Variants in SH3RF2 observed in about 807,000 individuals in gnomAD.
The protein encoded by SH3RF2 is SH3 domain containing ring finger 2.
SH3RF2 carries 43 observed loss-of-function variants against 59.0 expected under a neutral mutation model. The ratio of observed to expected loss-of-function variants is 0.73; its 90% CI spans 0.57 to 0.94. The LOEUF (loss-of-function observed/expected upper bound fraction) is 0.94, where lower values mean the gene tolerates loss of function less well. Ranked by LOEUF, SH3RF2 falls within the 40% of genes least tolerant of loss-of-function variation. SH3RF2 has a pLI of 0.00. For missense variants in SH3RF2, 930 were observed against 940.1 expected (o/e 0.99, Z 0.14); for synonymous variants, 391 against 391.5 (o/e 1.00, Z 0.01).
intron 2 of SH3RF2, among the ~76,000 whole-genome samples, chr5:145,941,872 A>G (rs1045486569): frequency 7.9e-5 from 12 of 152,220 alleles, no homozygotes; most frequent in African/African-American, 2.9e-4. Flanking sequence ...AGACTGGCTC[A>G]TATTAAGTGC....
intron 2 of SH3RF2, among the ~76,000 whole-genome samples, chr5:145,962,783 T>C (rs1758678851): frequency 6.6e-6 from 1 of 152,032 alleles, no homozygotes; most frequent in Non-Finnish European, 1.5e-5. Context: ...TAGGACTTCA[T>C]ACCTCCTCCA....
At chr5:145,984,235 C>T (rs1759615321) in intron 2 of SH3RF2, among the ~76,000 whole-genome samples, 1 of 152,106 alleles carries the variant, frequency 6.6e-6, no homozygotes, top group African/African-American at 2.4e-5. Context: ...AGTCATACAG[C>T]CTGCTGCTAC....
chr5:146,021,047 T>C (rs1270378681), intron 5 of SH3RF2, among the ~76,000 whole-genome samples: 1 of 152,124 alleles, frequency 6.6e-6, no homozygotes, highest in Non-Finnish European at 1.5e-5. Context: ...TAAGTCCAGA[T>C]CTTCTCCCAG....
chr5:145,950,475 C>T (rs1261335363), intron 2 of SH3RF2, among the ~76,000 whole-genome samples: 1 of 152,144 alleles, frequency 6.6e-6, no homozygotes, highest in African/African-American at 2.4e-5. Context: ...TCACTGGGTA[C>T]TTCTTGGTCA....
intron 2 of SH3RF2, among the ~76,000 whole-genome samples, chr5:145,952,913 G>C (rs1758248046): frequency 6.6e-6 from 1 of 152,164 alleles, no homozygotes; most frequent in African/African-American, 2.4e-5. Flanking sequence ...TGCTGGCCAA[G>C]AGATGAGAGA....
chr5:146,038,503 G>A (rs937521905), intron 5 of SH3RF2, among the ~76,000 whole-genome samples: 2 of 152,120 alleles, frequency 1.3e-5, no homozygotes, highest in East Asian at 1.9e-4. Context: ...ATCAATATAA[G>A]AAAGTCAAGT....
At chr5:146,007,604 G>C (rs559473396) in intron 4 of SH3RF2, among the ~76,000 whole-genome samples, 4 of 152,180 alleles carry the variant, frequency 2.6e-5, no homozygotes, top group East Asian at 1.9e-4. Context: ...GTCTGGGCTG[G>C]GGGGGAAGGC....
At chr5:145,962,665 T>C (rs1758674682) in intron 2 of SH3RF2, among the ~76,000 whole-genome samples, 1 of 152,042 alleles carries the variant, frequency 6.6e-6, no homozygotes, top group African/African-American at 2.4e-5. Flanking sequence ...CCTTAGGCCG[T>C]CCTTCTTTCC....
Position 146,013,839 on chromosome 5 carries a change from A to G in SH3RF2, c.837A>G (p.Arg279=). ...TGTCCCTGGTGTCCTCGTCCTCCAG[A>G]GGCAACACGTCTACCCTCCGTAGGG... ...KNLSLVSSSS[R]GNTSTLRRGP... is the part of the protein sequence containing the mutation. Residue 279 remains arginine, a synonymous_variant, in exon 5 of 10, where the codon AGA becomes AGG. Coordinates refer to ENST00000359120, the MANE Select transcript of SH3RF2 (RefSeq NM_152550.4). 18 of 1,614,168 alleles carry G rather than the reference A, an allele frequency of 1.1e-5. No homozygotes were observed. Among genetic ancestry groups the G allele is most frequent in the East Asian group, 2.2e-5 (1 of 44,874 alleles).
At chr5:146,048,464 A>G (rs173587) in intron 6 of SH3RF2, among the ~76,000 whole-genome samples, 53,174 of 152,106 alleles carry the variant, frequency 0.35, 9,627 homozygotes, top group Non-Finnish European at 0.39. Flanking sequence ...TTTAGATTCA[A>G]AATGTTGGGT....
At chr5:146,032,626 C>T (rs544863357) in intron 5 of SH3RF2, among the ~76,000 whole-genome samples, 2 of 152,200 alleles carry the variant, frequency 1.3e-5, no homozygotes, top group Non-Finnish European at 2.9e-5. Context: ...AATCCAGATG[C>T]TATCTTGGCT....
chr5:146,037,333 A>C (rs1333747576), intron 5 of SH3RF2, among the ~76,000 whole-genome samples: 1 of 152,182 alleles, frequency 6.6e-6, no homozygotes, highest in African/African-American at 2.4e-5. Flanking sequence ...AGACAGCCCC[A>C]AAAGTCCATT....
At chr5:146,036,214 C>T (rs982922187) in intron 5 of SH3RF2, among the ~76,000 whole-genome samples, 6 of 152,188 alleles carry the variant, frequency 3.9e-5, no homozygotes, top group Non-Finnish European at 5.9e-5. Flanking sequence ...CCAAACTCTG[C>T]TTTGAAAGCA....
intron 2 of SH3RF2, among the ~76,000 whole-genome samples, chr5:145,987,438 G>A (rs1446084034): frequency 1.3e-5 from 2 of 152,028 alleles, no homozygotes; most frequent in Non-Finnish European, 2.9e-5. Flanking sequence ...ATACAACGGA[G>A]AAAACATTAA....
At chr5:146,004,302 C>A in intron 4 of SH3RF2, 149 bp downstream of exon 4, 1 of 492,892 alleles carries the variant, frequency 2.0e-6, no homozygotes, top group Non-Finnish European at 3.4e-6. Flanking sequence ...ACAATAATAC[C>A]CAATTCTGGC....
intron 2 of SH3RF2, among the ~76,000 whole-genome samples, chr5:145,999,788 G>A (rs1038625036): frequency 6.6e-6 from 1 of 151,644 alleles, no homozygotes; most frequent in Non-Finnish European, 1.5e-5. Context: ...GATCACCATA[G>A]CAGATATAAT....
intron 2 of SH3RF2, among the ~76,000 whole-genome samples, chr5:145,949,607 G>C (rs1442608966): frequency 6.6e-6 from 1 of 152,160 alleles, no homozygotes; most frequent in South Asian, 2.1e-4. Flanking sequence ...TCCTCAGAGT[G>C]GTGAATTCCC....
At chr5:146,064,729 AG>A (rs1561773470), downstream of SH3RF2, among the ~76,000 whole-genome samples, 1 of 10,338 alleles carries the variant, frequency 9.7e-5, no homozygotes, top group African/African-American at 2.4e-4. Flanking sequence ...AAAGAAAGAA[AG>A]GAAGGAAGGA....
At chr5:145,998,960 T>TTA (rs373860681) in intron 2 of SH3RF2, among the ~76,000 whole-genome samples, 107 of 152,272 alleles carry the variant, frequency 7.0e-4, no homozygotes, top group African/African-American at 2.5e-3. Flanking sequence ...TGTAGTCTAT[T>TTA]AAGTGTGCAA....
Sources: gnomAD v4.1 joint callset for allele counts (sites outside exome capture counted in the v4.1 genomes callset) on GRCh38, gnomAD v4.1.1 for gene constraint, MANE v1.5 for transcripts, NCBI Gene and HGNC (gene_info 2026-07-23, HGNC 2026-07-21) for gene names.